Variants in NCOR1 observed in about 807,000 individuals in gnomAD.
NCOR1 encodes nuclear receptor corepressor 1, also known as protein phosphatase 1, regulatory subunit 109.
NCOR1 carries 63 observed loss-of-function variants against 288.1 expected under a neutral mutation model. The ratio of observed to expected loss-of-function variants is 0.22; its 90% CI spans 0.18 to 0.27. The LOEUF (loss-of-function observed/expected upper bound fraction) is 0.27, where lower values mean the gene tolerates loss of function less well. Among genes scored for constraint, NCOR1 ranks in the 10% least tolerant of loss-of-function variants. The pLI is 1.00. For missense variants in NCOR1, 2,397 were observed against 3,019.2 expected (o/e 0.79, Z 4.83); for synonymous variants, 1,007 against 1,065.9 (o/e 0.94, Z 1.08).
intron 5 of NCOR1, among the ~76,000 whole-genome samples, chr17:16,163,240 G>A (rs2081249462): frequency 6.6e-6 from 1 of 152,096 alleles, no homozygotes; most frequent in Admixed American, 6.6e-5. Flanking sequence ...AGAACCCACA[G>A]AATGAGAGAA....
chr17:16,072,579 G>A (rs992516389), intron 28 of NCOR1, among the ~76,000 whole-genome samples: 5 of 152,264 alleles, frequency 3.3e-5, no homozygotes, highest in Admixed American at 2.0e-4. Flanking sequence ...AAGGGAAAAC[G>A]GGAAATATGG....
chr17:16,038,710 T>C (rs2056946283), intron 44 of NCOR1, among the ~76,000 whole-genome samples: 1 of 152,192 alleles, frequency 6.6e-6, no homozygotes, highest in Admixed American at 6.5e-5. Context: ...AGTGCTATGA[T>C]TACACCTTTT....
chr17:16,142,685 A>T (rs1360619462), intron 11 of NCOR1, among the ~76,000 whole-genome samples: 1 of 152,238 alleles, frequency 6.6e-6, no homozygotes, highest in Non-Finnish European at 1.5e-5. Flanking sequence ...ATAAATATTT[A>T]TTAAACAGAA....
intron 5 of NCOR1, among the ~76,000 whole-genome samples, chr17:16,162,889 T>C (rs1475396976): frequency 6.6e-6 from 1 of 152,122 alleles, no homozygotes; most frequent in East Asian, 1.9e-4. Flanking sequence ...CTATACAACA[T>C]GTAGTTTCCA....
At chr17:16,166,737 T>C (rs967126222) in intron 4 of NCOR1, among the ~76,000 whole-genome samples, 13 of 151,682 alleles carry the variant, frequency 8.6e-5, no homozygotes, top group African/African-American at 3.2e-4. Context: ...AACCTTTTTT[T>C]CTCCCCCTCC....
rs1050665242 is a variant in NCOR1, at chr17:16,215,472, C to G, written c.-181G>C. ...CTCGTTCGGCGCGGCGAGTCGGACG[C>G]TCACTCCAGCCGCCGCCGCCGCCGC... On this transcript the variant is annotated 5_prime_UTR_variant, in exon 1 of 46. Transcript: ENST00000268712. 8 of 398,186 alleles carry G rather than the reference C, an allele frequency of 2.0e-5. No homozygotes were observed. Among genetic ancestry groups the G allele is most frequent in the Non-Finnish European group, 3.5e-5 (8 of 225,946 alleles). 24.7% of individuals were successfully genotyped at this position (398,186 alleles called of 1,614,324 possible).
In NCOR1 at chr17:16,032,263, C is replaced by A; in HGVS notation, c.*33G>T. 1 of 1,560,960 alleles carries A rather than the reference C, an allele frequency of 6.4e-7. No homozygotes were observed. On this transcript the variant is annotated 3_prime_UTR_variant, in exon 46 of 46. Coordinates refer to ENST00000268712, the MANE Select transcript of NCOR1 (RefSeq NM_006311.4). Reference sequence around the variant, plus strand: ...TAAACCACAAAAACTAGAGATCCCTCTCCTGCACCCTGTTCCCCTCACTTT... The same window carrying A: ...TAAACCACAAAAACTAGAGATCCCTATCCTGCACCCTGTTCCCCTCACTTT...
intron 26 of NCOR1, among the ~76,000 whole-genome samples, chr17:16,076,832 G>A (rs192667997): frequency 1.3e-5 from 2 of 152,108 alleles, no homozygotes; most frequent in African/African-American, 4.8e-5. Context: ...ACAGCTTTCC[G>A]AATCCCGGCA....
At chr17:16,150,951 T>G (rs1330545795) in intron 8 of NCOR1, among the ~76,000 whole-genome samples, 1 of 152,056 alleles carries the variant, frequency 6.6e-6, no homozygotes, top group African/African-American at 2.4e-5. Flanking sequence ...TTTTCATGCA[T>G]ACTACCATGC....
intron 1 of NCOR1, among the ~76,000 whole-genome samples, chr17:16,201,980 A>G (rs2090874388): frequency 6.6e-6 from 1 of 152,118 alleles, no homozygotes; most frequent in Admixed American, 6.6e-5. Context: ...TCATTCCAGC[A>G]CTTTGGGAGG....
intron 14 of NCOR1, among the ~76,000 whole-genome samples, chr17:16,135,904 G>A (rs2076324844): frequency 6.6e-6 from 1 of 152,182 alleles, no homozygotes; most frequent in Admixed American, 6.5e-5. Context: ...TGGCTGAGTG[G>A]GAAAACCAGA....
At position 16,162,790 on chromosome 17, in the gene NCOR1, T is replaced by C. The variant is rs996624689; in HGVS notation, c.618+2189A>G. Among the ~76,000 whole-genome samples the C allele has an allele frequency of 1.4e-4, 21 of 152,106 alleles. 1 individual carries two copies. Among genetic ancestry groups the C allele is most frequent in the East Asian group, 1.9e-4 (1 of 5,192 alleles). ...TAAGAGATGTTCTTCAGTAGAAGGG[T>C]GTTCCCTTCGATGGAAGACTTGAGT... is the stretch of plus-strand genomic sequence containing the variant. On this transcript the variant is annotated intron_variant, in intron 5 of 45. Coordinates refer to ENST00000268712, the MANE Select transcript of NCOR1 (RefSeq NM_006311.4).
intron 44 of NCOR1, among the ~76,000 whole-genome samples, chr17:16,037,290 A>G (rs897801505): frequency 6.6e-6 from 1 of 152,220 alleles, no homozygotes; most frequent in Admixed American, 6.5e-5. Context: ...AATAATCATG[A>G]ACAAGTTTGA....
intron 4 of NCOR1, among the ~76,000 whole-genome samples, chr17:16,167,872 A>AAAG (rs1310812058): frequency 1.3e-5 from 2 of 150,606 alleles, no homozygotes; most frequent in Non-Finnish European, 3.0e-5. Flanking sequence ...AAAAAAAAAA[A>AAAG]AAAAAAACCA....
intron 26 of NCOR1, among the ~76,000 whole-genome samples, chr17:16,077,933 GA>G (rs2062808255): frequency 6.6e-6 from 1 of 152,136 alleles, no homozygotes; most frequent in Non-Finnish European, 1.5e-5. Flanking sequence ...TGATATGAGG[GA>G]AAAATAACTT....
intron 21 of NCOR1, among the ~76,000 whole-genome samples, chr17:16,093,589 T>C (rs2065789019): frequency 6.6e-6 from 1 of 152,218 alleles, no homozygotes; most frequent in African/African-American, 2.4e-5. Flanking sequence ...TAGAAAGCCC[T>C]AGAGGTCTGA....
rs140036949 is a variant in NCOR1 at position 16,129,753 on chromosome 17, T to C, written c.1510-3547A>G. Among the ~76,000 whole-genome samples the C allele has an allele frequency of 1.4e-3, 212 of 152,142 alleles. 1 individual carries two copies. The highest frequency in any genetic ancestry group is 4.6e-3 in the African/African-American group (192 of 41,504). ...GTGAGCTGTGTAACCCAGAAAACGG[T>C]TTATGGCCTAAAGATACGACGGGGA... On this transcript the variant is annotated intron_variant, in intron 14 of 45. Transcript: ENST00000268712.
chr17:16,048,989 C>T lies in NCOR1; in HGVS notation c.6393-1G>A, dbSNP rs1461732163. 7 of 1,603,664 alleles carry T rather than the reference C, an allele frequency of 4.4e-6. No homozygotes were observed. Among genetic ancestry groups the T allele is most frequent in the African/African-American group, 2.7e-5 (2 of 74,582 alleles). On this transcript the variant is annotated splice_acceptor_variant, in intron 40 of 45. Transcript: ENST00000268712. LOFTEE classifies it high-confidence loss of function. ...CCTCTCTGGGGATTTTCCAGGCCTA[C>T]TATTGTAATATGTGAAATATTAGAT...
In NCOR1 at chr17:16,034,872, C is replaced by T; in HGVS notation, c.7028G>A (p.Gly2343Asp). The change falls in exon 45 of 46, where the codon GGC becomes GAC. Residue 2343 changes from glycine (G) to aspartate (D), a missense_variant. Gly to Asp is a moderately conservative substitution (Grantham distance 94). This residue lies in a region of NCOR1 where 1,872 missense variants were observed against 2,187.8 expected (regional missense o/e 0.86). Coordinates refer to ENST00000268712, the MANE Select transcript of NCOR1 (RefSeq NM_006311.4). ...AGAGGGCCGTTCCGTTCCTAAGTAG[C>T]CTTGCCCAGGTATAGGAGACTTAGA... ...RKSKSPIPGQ[G>D]YLGTERPSSV... 1 of 1,614,072 alleles carries T rather than the reference C, an allele frequency of 6.2e-7. No homozygotes were observed. Among genetic ancestry groups the T allele is most frequent in the East Asian group, 2.2e-5 (1 of 44,884 alleles).
Sources: allele counts gnomAD v4.1 joint callset (sites outside exome capture counted in the v4.1 genomes callset), GRCh38; gene constraint gnomAD v4.1.1; regional missense constraint gnomAD v4.1.1; transcripts MANE v1.5; gene names NCBI Gene and HGNC (gene_info 2026-07-23, HGNC 2026-07-21).